Variants in THSD7A observed in about 807,000 individuals in gnomAD.
The protein encoded by THSD7A is thrombospondin type-1 domain-containing protein 7A.
THSD7A carries 96 observed loss-of-function variants against 231.3 expected under a neutral mutation model. The ratio of observed to expected loss-of-function variants is 0.41; its 90% CI spans 0.35 to 0.49. The LOEUF is 0.49. Ranked by LOEUF, THSD7A falls within the 20% of genes least tolerant of loss-of-function variation. THSD7A has a pLI of 0.05. For synonymous variants in THSD7A, 940 were observed against 743.3 expected (o/e 1.26, Z -4.30); for missense variants, 2,290 against 2,070.2 (o/e 1.11, Z -2.06).
At chr7:11,491,680 T>G (rs2128307708) in intron 6 of THSD7A, among the ~76,000 whole-genome samples, 1 of 152,218 alleles carries the variant, frequency 6.6e-6, no homozygotes, top group South Asian at 2.1e-4. Flanking sequence ...GTCACATTCA[T>G]CAGAATTTAT....
At chr7:11,559,505 A>ACATATATTTAAATC (rs1554337561) in intron 4 of THSD7A, among the ~76,000 whole-genome samples, 1 of 148,040 alleles carries the variant, frequency 6.8e-6, no homozygotes, top group Non-Finnish European at 1.5e-5. Flanking sequence ...CCATACATAT[A>ACATATATTTAAATC]CATATATATA....
chr7:11,456,083 C>T (rs866770677), intron 11 of THSD7A, among the ~76,000 whole-genome samples: 3 of 151,888 alleles, frequency 2.0e-5, no homozygotes, highest in South Asian at 2.1e-4. Context: ...AGGGTCCAGA[C>T]GTTGGAGAAG....
chr7:11,644,320 T>C (rs1226744632), intron 1 of THSD7A, among the ~76,000 whole-genome samples: 1 of 151,998 alleles, frequency 6.6e-6, no homozygotes, highest in African/African-American at 2.4e-5. Context: ...AAAATTATAC[T>C]AATTGAATTG....
chr7:11,701,177 CAA>C (rs1204964642), intron 1 of THSD7A, among the ~76,000 whole-genome samples: 54 of 135,298 alleles, frequency 4.0e-4, no homozygotes, highest in African/African-American at 1.5e-3. Context: ...GTAAAAAACA[CAA>C]GTGTGTGTGT....
intron 1 of THSD7A, among the ~76,000 whole-genome samples, chr7:11,756,468 A>C (rs898108781): frequency 2.0e-5 from 3 of 152,044 alleles, no homozygotes; most frequent in Non-Finnish European, 4.4e-5. Context: ...ATTCTCTGAG[A>C]AGTGTCTAAT....
intron 1 of THSD7A, among the ~76,000 whole-genome samples, chr7:11,712,498 G>C (rs1780999630): frequency 6.6e-6 from 1 of 150,936 alleles, no homozygotes; most frequent in Non-Finnish European, 1.5e-5. Context: ...TCGACATTTT[G>C]ATACAGGACA....
chr7:11,720,222 A>G (rs2128152648), intron 1 of THSD7A, among the ~76,000 whole-genome samples: 1 of 151,780 alleles, frequency 6.6e-6, no homozygotes, highest in East Asian at 2.0e-4. Context: ...CTGTCAAACC[A>G]TTTCCACAAA....
intron 1 of THSD7A, among the ~76,000 whole-genome samples, chr7:11,654,502 A>C (rs1024788074): frequency 9.2e-5 from 14 of 151,898 alleles, no homozygotes; most frequent in African/African-American, 3.4e-4. Context: ...GAAGCAATAG[A>C]TCTTATTCAA....
intron 1 of THSD7A, among the ~76,000 whole-genome samples, chr7:11,741,354 G>A (rs1782106654): frequency 1.3e-5 from 2 of 152,000 alleles, no homozygotes; most frequent in Non-Finnish European, 2.9e-5. Context: ...AAAGATTCAT[G>A]CCATGCCAAA....
chr7:11,411,144 A>G lies in THSD7A; in HGVS notation c.3798+63T>C. 5 of 1,297,414 alleles carry G rather than the reference A, an allele frequency of 3.9e-6. No homozygotes were observed. Among genetic ancestry groups the G allele is most frequent in the Non-Finnish European group, 5.5e-6 (5 of 908,468 alleles). The allele number at this position is 1,297,414 out of a possible 1,614,324, so 80.4% of individuals were successfully genotyped here. ...GCATGGAGCACGGGTCACTTGGCTC[A>G]GCATGAATTGAAATTATTAGGGAAG... On this transcript the variant is annotated intron_variant, in intron 19 of 27. Transcript: ENST00000423059. This position sits in a 1 kb window ranked among gnomAD's most constrained non-coding sequence, Gnocchi z 4.1.
chr7:11,616,581 C>T (rs574432536), intron 2 of THSD7A, among the ~76,000 whole-genome samples: 2 of 152,270 alleles, frequency 1.3e-5, no homozygotes, highest in South Asian at 4.1e-4. Flanking sequence ...CCTAGCAGCA[C>T]TGACTAAATT....
chr7:11,531,498 T>G (rs1024981075), intron 6 of THSD7A, among the ~76,000 whole-genome samples: 2 of 152,208 alleles, frequency 1.3e-5, no homozygotes, highest in Non-Finnish European at 2.9e-5. Flanking sequence ...CCAACCACAC[T>G]GGCCATGTTG....
At chr7:11,662,065 T>C in intron 1 of THSD7A, among the ~76,000 whole-genome samples, 1 of 151,056 alleles carries the variant, frequency 6.6e-6, no homozygotes, top group South Asian at 2.1e-4. Context: ...AAAAGATACA[T>C]AGAAGAGTTG....
chr7:11,427,038 G>A (rs1784343518), intron 14 of THSD7A, among the ~76,000 whole-genome samples: 1 of 152,102 alleles, frequency 6.6e-6, no homozygotes, highest in Non-Finnish European at 1.5e-5. Flanking sequence ...TTGTCTATCA[G>A]TATATTTATA....
At position 11,568,993 on chromosome 7, in the gene THSD7A, A is replaced by AAAAC. The variant is rs1790504533; in HGVS notation, c.1453+21466_1453+21467insGTTT. 4.0e-5 allele frequency among the ~76,000 whole-genome samples: 6 copies of AAAAC among 151,332 alleles called. 2 individuals are homozygous for AAAAC. The highest frequency in any genetic ancestry group is 6.6e-5 in the Admixed American group (1 of 15,238). The stretch of plus-strand genomic sequence containing the variant: ...TCCCGTTTACAATAGCTACAAAAAA[A>AAAAC]AAAACAAACCCTACACTCCTATCTC... On this transcript the variant is annotated intron_variant, in intron 4 of 27. Transcript: ENST00000423059.
intron 15 of THSD7A, among the ~76,000 whole-genome samples, chr7:11,425,560 G>GT (rs200858811): frequency 8.0e-5 from 12 of 150,890 alleles, no homozygotes; most frequent in South Asian, 2.1e-4. Flanking sequence ...TTGGTTTCAG[G>GT]TTTTTTTTTA....
At chr7:11,665,346 T>C (rs1270280117) in intron 1 of THSD7A, among the ~76,000 whole-genome samples, 1 of 152,098 alleles carries the variant, frequency 6.6e-6, no homozygotes, top group East Asian at 1.9e-4. Flanking sequence ...TTTTCAGGCA[T>C]ATAAATTCAA....
At chr7:11,761,682 C>T (rs1015463097) in intron 1 of THSD7A, among the ~76,000 whole-genome samples, 1 of 152,036 alleles carries the variant, frequency 6.6e-6, no homozygotes, top group Non-Finnish European at 1.5e-5. Flanking sequence ...TTCTAACAAC[C>T]CTTTAATCTT....
At chr7:11,735,940 G>A (rs1781899495) in intron 1 of THSD7A, among the ~76,000 whole-genome samples, 1 of 151,798 alleles carries the variant, frequency 6.6e-6, no homozygotes, top group Non-Finnish European at 1.5e-5. Context: ...TGGATGTACT[G>A]TACTTAAATG....
Sources: gnomAD v4.1 joint callset for allele counts (sites outside exome capture counted in the v4.1 genomes callset) on GRCh38, gnomAD v4.1.1 for gene constraint, Gnocchi (gnomAD v3.1) non-coding constraint, MANE v1.5 for transcripts, NCBI Gene and HGNC (gene_info 2026-07-23, HGNC 2026-07-21) for gene names.